PHF8: variants seen among roughly 807,000 people sequenced by gnomAD.
The protein encoded by PHF8 is histone lysine demethylase PHF8.
Under a neutral mutation model 74.4 loss-of-function variants are expected in PHF8, and 9 were observed. The observed-to-expected ratio is 0.12, with a 90% CI of 0.07 to 0.21. The LOEUF (loss-of-function observed/expected upper bound fraction) is 0.21. Ranked by LOEUF, PHF8 falls within the 10% of genes least tolerant of loss-of-function variation. The pLI is 1.00. For synonymous variants in PHF8, 311 were observed against 316.6 expected, an observed-to-expected ratio of 0.98 and a Z score of 0.19; for missense variants, 478 against 816.6, an observed-to-expected ratio of 0.59 and a Z score of 5.05.
chrX:53,945,282 T>C (rs2064816446), intron 19 of PHF8, among the ~76,000 whole-genome samples: 1 of 106,994 alleles, frequency 9.3e-6, no homozygotes, highest in Non-Finnish European at 1.9e-5. Flanking sequence ...GAGGCGGAGC[T>C]TGCAGTAAGC....
intron 18 of PHF8, among the ~76,000 whole-genome samples, chrX:53,979,975 C>T (rs1469408605): frequency 9.0e-6 from 1 of 111,089 alleles, no homozygotes; most frequent in Non-Finnish European, 1.9e-5. Context: ...GGTGATAGAG[C>T]GAGACTGTGT....
intron 19 of PHF8, among the ~76,000 whole-genome samples, chrX:53,947,081 G>A (rs190880629): frequency 3.6e-5 from 4 of 111,207 alleles, no homozygotes; most frequent in Middle Eastern, 4.6e-3. Flanking sequence ...GGGTCATCTC[G>A]GCTCACTGCA....
At chrX:54,023,959 T>C (rs1259753363) in intron 2 of PHF8, among the ~76,000 whole-genome samples, 3 of 110,219 alleles carry the variant, frequency 2.7e-5, no homozygotes, top group African/African-American at 9.9e-5. Flanking sequence ...TGCTCATAAA[T>C]GGACTTCCTG....
chrX:53,978,297 C>G (rs1290089775), intron 18 of PHF8, among the ~76,000 whole-genome samples: 1 of 110,707 alleles, frequency 9.0e-6, no homozygotes, highest in African/African-American at 3.3e-5. Context: ...CCCAGGAATC[C>G]CATTCCTAGG....
At chrX:53,946,639 G>GTTT (rs2064836489) in intron 19 of PHF8, among the ~76,000 whole-genome samples, 1 of 111,773 alleles carries the variant, frequency 8.9e-6, no homozygotes, top group Non-Finnish European at 1.9e-5. Flanking sequence ...AGATTGAGAG[G>GTTT]GTTAAAAGGC....
At chrX:53,954,003 AAAG>A (rs782685353) in intron 19 of PHF8, among the ~76,000 whole-genome samples, 33 of 112,057 alleles carry the variant, frequency 2.9e-4, no homozygotes, top group African/African-American at 1.0e-3. Flanking sequence ...TACTAAAGAC[AAAG>A]AAGAGCATTT....
At chrX:53,952,610 G>A (rs782387913) in intron 19 of PHF8, among the ~76,000 whole-genome samples, 6 of 111,508 alleles carry the variant, frequency 5.4e-5, no homozygotes, top group African/African-American at 9.8e-5. Context: ...TAGGCTGGGC[G>A]CGGTGGCTCA....
chrX:54,008,645 C>T (rs782169484), intron 8 of PHF8, among the ~76,000 whole-genome samples: 1 of 106,739 alleles, frequency 9.4e-6, no homozygotes, highest in Non-Finnish European at 1.9e-5. Flanking sequence ...GAGCCAAGAT[C>T]GCGCCACTGC....
intron 2 of PHF8, among the ~76,000 whole-genome samples, chrX:54,036,571 CAAAAAAAA>C (rs1160936317): frequency 1.6e-4 from 1 of 6,191 alleles, no homozygotes; most frequent in Non-Finnish European, 3.5e-4. Context: ...GACACTGTCT[CAAAAAAAA>C]AAAAAAAAAA....
chrX:53,966,280 G>A (rs1242075914), intron 18 of PHF8, among the ~76,000 whole-genome samples: 1 of 111,368 alleles, frequency 9.0e-6, no homozygotes, highest in Non-Finnish European at 1.9e-5. Context: ...CTCTGATGCC[G>A]AGCTGAAGCT....
Position 53,950,081 on chromosome X carries a change from C to T in PHF8, c.2540-5838G>A, listed in dbSNP as rs2064899929. 2.7e-5 allele frequency among the ~76,000 whole-genome samples: 3 copies of T among 111,216 alleles called. 1 individual carries two copies. In the Admixed American group the frequency reaches 2.9e-4, roughly 11 times the overall value. ...AAGGCTTGCAGCAACCTGGAAAGCA[C>T]TTGATTCAAGAAAAACAGCTGAATC... On this transcript the variant is annotated intron_variant, in intron 19 of 21. Coordinates refer to ENST00000338154, the MANE Select transcript of PHF8 (RefSeq NM_015107.3).
chrX:53,968,835 G>C (rs1557093818), intron 18 of PHF8, among the ~76,000 whole-genome samples: 1 of 111,894 alleles, frequency 8.9e-6, no homozygotes, highest in African/African-American at 3.3e-5. Context: ...CTTGAACCCA[G>C]GAGGCGGAGG....
At chrX:53,980,647 GAACT>G (rs2065465759) in intron 18 of PHF8, among the ~76,000 whole-genome samples, 2 of 112,060 alleles carry the variant, frequency 1.8e-5, no homozygotes, top group Admixed American at 9.5e-5. Flanking sequence ...AAAACAAATA[GAACT>G]AATAACAGTA....
chrX:53,957,507 C>T (rs782412851), intron 19 of PHF8, among the ~76,000 whole-genome samples: 15 of 110,412 alleles, frequency 1.4e-4, no homozygotes, highest in South Asian at 4.0e-4. Context: ...GGCGACAGAC[C>T]GAGACTGTTT....
At chrX:53,971,321 G>A (rs1228590857) in intron 18 of PHF8, among the ~76,000 whole-genome samples, 1 of 111,032 alleles carries the variant, frequency 9.0e-6, no homozygotes, top group Non-Finnish European at 1.9e-5. Context: ...AGAATCTCTG[G>A]GATGCAGCTA....
intron 19 of PHF8, among the ~76,000 whole-genome samples, chrX:53,954,943 C>G (rs2149787651): frequency 9.0e-6 from 1 of 111,460 alleles, no homozygotes; most frequent in South Asian, 3.7e-4. Context: ...AAGGAAATGA[C>G]TCTTTACAAC....
chrX:54,030,190 A>G (rs1557112260), intron 2 of PHF8, among the ~76,000 whole-genome samples: 1 of 111,305 alleles, frequency 9.0e-6, no homozygotes, highest in Admixed American at 9.6e-5. Context: ...TTATTTACCA[A>G]AAGTCCTCAC....
At position 54,002,576 on chromosome X, in the gene PHF8, CCA is replaced by C. The variant is rs1569528041; in HGVS notation, c.1034+17_1034+18del. 3 of 1,073,692 alleles carry C rather than the reference CCA, an allele frequency of 2.8e-6. No homozygotes were observed. Among genetic ancestry groups the C allele is most frequent in the Non-Finnish European group, 3.9e-6 (3 of 769,642 alleles). The allele number at this position is 1,073,692 out of a possible 1,213,427, so 88.5% of individuals were successfully genotyped here. A position where few individuals can be genotyped will look rare whatever the true frequency, so the allele number is the denominator to read the frequency against. ...GACAGGAATGGCCAACATAGAATCA[CCA>C]CAGTTTCAGTACTCACTTGAGCTGC... On this transcript the variant is annotated intron_variant, in intron 9 of 21. Coordinates refer to ENST00000338154, the MANE Select transcript of PHF8 (RefSeq NM_015107.3).
chrX:54,045,666 T>A (rs1557117336), upstream of PHF8, among the ~76,000 whole-genome samples: 1 of 112,403 alleles, frequency 8.9e-6, no homozygotes, highest in African/African-American at 3.2e-5. Flanking sequence ...GACGATTAAG[T>A]TCACTTAAAT....
Sources: allele counts gnomAD v4.1 joint callset (sites outside exome capture counted in the v4.1 genomes callset), GRCh38; gene constraint gnomAD v4.1.1; transcripts MANE v1.5; gene names NCBI Gene and HGNC (gene_info 2026-07-23, HGNC 2026-07-21).